LRBA: variants seen among roughly 807,000 people sequenced by gnomAD.
LRBA encodes LPS responsive beige-like anchor protein.
LRBA carries 176 observed loss-of-function variants against 330.0 expected under a neutral mutation model. The observed-to-expected ratio is 0.53, with a 90% CI of 0.47 to 0.60. The LOEUF (loss-of-function observed/expected upper bound fraction) is 0.60. Among genes scored for constraint, LRBA ranks in the 20% least tolerant of loss-of-function variants. The pLI is 0.00. For synonymous variants in LRBA, 1,230 were observed against 1,193.0 expected, an observed-to-expected ratio of 1.03 and a Z score of -0.64; for missense variants, 3,259 against 3,444.8, an observed-to-expected ratio of 0.95 and a Z score of 1.35.
At chr4:150,590,227 G>A (rs1772636847) in intron 39 of LRBA, among the ~76,000 whole-genome samples, 1 of 152,046 alleles carries the variant, frequency 6.6e-6, no homozygotes, top group South Asian at 2.1e-4. Context: ...TCCTACATCA[G>A]GCAAAATACG....
intron 2 of LRBA, among the ~76,000 whole-genome samples, chr4:150,953,189 A>G (rs1239424394): frequency 2.0e-5 from 3 of 152,224 alleles, no homozygotes; most frequent in African/African-American, 7.2e-5. Flanking sequence ...CCTTATTTTA[A>G]TAATAGAACA....
Position 150,990,952 on chromosome 4 carries a change from C to T in LRBA, c.216+23475G>A, listed in dbSNP as rs115208244. 4.2e-3 allele frequency among the ~76,000 whole-genome samples: 629 copies of T among 151,460 alleles called. 1 individual carries two copies. The highest frequency in any genetic ancestry group is 0.014 in the African/African-American group (587 of 41,234). On this transcript the variant is annotated intron_variant, in intron 2 of 56. Coordinates refer to ENST00000651943, the MANE Select transcript of LRBA (RefSeq NM_001364905.1). ...ACAAGAATCACTTGAACCAGGGAAG[C>T]GCTGAACCAGGGAGGCGCTGAACCT...
chr4:150,758,029 C>T (rs1734549029), intron 35 of LRBA, among the ~76,000 whole-genome samples: 1 of 152,188 alleles, frequency 6.6e-6, no homozygotes, highest in Non-Finnish European at 1.5e-5. Context: ...ATTCAAACAA[C>T]TGTTTCACCA....
intron 34 of LRBA, among the ~76,000 whole-genome samples, chr4:150,783,569 C>A (rs1738582997): frequency 6.6e-6 from 1 of 152,162 alleles, no homozygotes; most frequent in South Asian, 2.1e-4. Flanking sequence ...ATAATCTGAG[C>A]TTCTAAATGA....
rs188546520 is a variant in LRBA at position 150,879,793 on chromosome 4, A to G, written c.2166-7038T>C. Among the ~76,000 whole-genome samples the G allele has an allele frequency of 5.9e-5, 9 of 152,336 alleles. No individual in the cohort carries two copies. In the East Asian group the frequency reaches 1.2e-3, roughly 20 times the overall value. On this transcript the variant is annotated intron_variant, in intron 17 of 56. Transcript: ENST00000651943. Reference sequence around the variant, plus strand: ...CCATGCTCAAGGATTGGAAGAATCAATATTATTTTAATGGCCATACTGCCC... The same window carrying G: ...CCATGCTCAAGGATTGGAAGAATCAGTATTATTTTAATGGCCATACTGCCC...
At chr4:150,326,026 C>G (rs1024728798) in intron 48 of LRBA, 128 bp from the exon 49 acceptor site, 1 of 659,394 alleles carries the variant, frequency 1.5e-6, no homozygotes, top group East Asian at 2.7e-5. Flanking sequence ...CCTGTGTTTT[C>G]ACAGTGGGGC....
At chr4:150,877,523 A>C (rs951001730) in intron 17 of LRBA, among the ~76,000 whole-genome samples, 8 of 152,238 alleles carry the variant, frequency 5.3e-5, no homozygotes, top group African/African-American at 1.9e-4. Context: ...GCAATCAGAT[A>C]TATAAAACAA....
chr4:150,505,942 T>G (rs369498427), intron 40 of LRBA, among the ~76,000 whole-genome samples: 2 of 152,146 alleles, frequency 1.3e-5, no homozygotes, highest in Admixed American at 1.3e-4. Context: ...GAGAATACTA[T>G]AAACAGCTCT....
At chr4:150,882,118 A>C (rs979552304) in intron 17 of LRBA, among the ~76,000 whole-genome samples, 63 of 152,208 alleles carry the variant, frequency 4.1e-4, no homozygotes, top group African/African-American at 1.5e-3. Flanking sequence ...ATTTTTTCAA[A>C]AGATAAACTC....
chr4:150,282,347 G>A (rs146414237), intron 55 of LRBA, 103 bp downstream of exon 55: 52 of 1,028,124 alleles, frequency 5.1e-5, no homozygotes, highest in East Asian at 2.6e-4. Context: ...AGAGGCCCTC[G>A]GCAATCCAAA....
rs557907722 is a variant in LRBA, at chr4:150,348,072, T to C, written c.7362+1920A>G. ...ATATGGTTCATGGTTTATTAGACAG[T>C]GCAGATAGAGAACATTTCCAGCACT... On this transcript the variant is annotated intron_variant, in intron 48 of 56. Coordinates refer to ENST00000651943, the MANE Select transcript of LRBA (RefSeq NM_001364905.1). 3.9e-5 allele frequency among the ~76,000 whole-genome samples: 6 copies of C among 152,344 alleles called. No individual in the cohort carries two copies. The South Asian group carries it at 1.2e-3, about 32-fold the overall frequency.
intron 20 of LRBA, among the ~76,000 whole-genome samples, chr4:150,869,253 C>A (rs1276475343): frequency 1.3e-5 from 2 of 151,892 alleles, no homozygotes; most frequent in African/African-American, 4.8e-5. Flanking sequence ...TGAAGATTTT[C>A]TTTCATAATC....
intron 37 of LRBA, among the ~76,000 whole-genome samples, chr4:150,627,914 G>A (rs1289893738): frequency 6.6e-6 from 1 of 151,994 alleles, no homozygotes; most frequent in Non-Finnish European, 1.5e-5. Flanking sequence ...TTATCAGATG[G>A]AATGCAGTAG....
intron 34 of LRBA, among the ~76,000 whole-genome samples, chr4:150,783,760 A>G (rs1738612036): frequency 1.3e-5 from 2 of 152,320 alleles, no homozygotes; most frequent in South Asian, 4.1e-4. Flanking sequence ...CTGGTTAACT[A>G]CCTAGAAGAT....
intron 56 of LRBA, among the ~76,000 whole-genome samples, chr4:150,276,470 C>CT (rs1456264759): frequency 6.6e-6 from 1 of 152,186 alleles, no homozygotes; most frequent in Non-Finnish European, 1.5e-5. Context: ...GCAAAAGAAA[C>CT]TATCATCAGA....
At chr4:150,999,483 G>A (rs1217823627) in intron 2 of LRBA, among the ~76,000 whole-genome samples, 3 of 151,214 alleles carry the variant, frequency 2.0e-5, no homozygotes, top group African/African-American at 4.9e-5. Flanking sequence ...GGCTGGTCTT[G>A]AACTCCTGGG....
At chr4:150,314,278 T>G (rs1731442779) in intron 51 of LRBA, among the ~76,000 whole-genome samples, 1 of 152,136 alleles carries the variant, frequency 6.6e-6, no homozygotes, top group Non-Finnish European at 1.5e-5. Flanking sequence ...AGTGAGCATT[T>G]TAGTTTTTTT....
intron 36 of LRBA, among the ~76,000 whole-genome samples, chr4:150,719,774 G>C (rs1728687717): frequency 6.6e-6 from 1 of 152,064 alleles, no homozygotes; most frequent in Non-Finnish European, 1.5e-5. Flanking sequence ...GGAGATGCCA[G>C]AAAAACTTAC....
At position 150,860,559 on chromosome 4, in the gene LRBA, G is replaced by A. The variant is rs375691849; in HGVS notation, c.2766+7112C>T. ...AAGAAACATATAGGCCGGGCGCGGT[G>A]GTTCACACCTGTAATCCCAGCATTT... On this transcript the variant is annotated intron_variant, in intron 22 of 56. Coordinates refer to ENST00000651943, the MANE Select transcript of LRBA (RefSeq NM_001364905.1). Among the ~76,000 whole-genome samples the A allele has an allele frequency of 8.3e-4, 126 of 152,262 alleles. 1 individual carries two copies. In the South Asian group the frequency reaches 0.01, roughly 13 times the overall value.
Sources: allele counts gnomAD v4.1 joint callset (sites outside exome capture counted in the v4.1 genomes callset), GRCh38; gene constraint gnomAD v4.1.1; transcripts MANE v1.5; gene names NCBI Gene and HGNC (gene_info 2026-07-23, HGNC 2026-07-21).